Variants in IL1R1 observed in about 807,000 individuals in gnomAD.
IL1R1 encodes interleukin 1 receptor type 1.
Under a neutral mutation model 50.2 loss-of-function variants are expected in IL1R1, and 22 were observed. That is an observed-to-expected ratio of 0.44 (90% CI 0.31 to 0.63). IL1R1 has a LOEUF of 0.63. Among genes scored for constraint, IL1R1 ranks in the 20% least tolerant of loss-of-function variants. The pLI is 0.07. For missense variants in IL1R1, 509 were observed against 676.2 expected, an observed-to-expected ratio of 0.75 and a Z score of 2.74; for synonymous variants, 251 against 236.7, an observed-to-expected ratio of 1.06 and a Z score of -0.55.
chr2:102,137,988 G>A (rs1682436933), upstream of IL1R1, among the ~76,000 whole-genome samples: 1 of 152,188 alleles, frequency 6.6e-6, no homozygotes, highest in Non-Finnish European at 1.5e-5. Context: ...TGGTGGGACT[G>A]TGTGGAATTA....
chr2:102,113,662 A>G (rs529583704), intron 1 of IL1R1, among the ~76,000 whole-genome samples: 142 of 152,182 alleles, frequency 9.3e-4, no homozygotes, highest in Non-Finnish European at 1.6e-3. Flanking sequence ...GCCCCGCTCT[A>G]GGCTGATTAG....
intron 1 of IL1R1, among the ~76,000 whole-genome samples, chr2:102,148,478 C>T (rs946221005): frequency 2.6e-5 from 4 of 152,230 alleles, no homozygotes; most frequent in Non-Finnish European, 5.9e-5. Context: ...AAGGCTCAAC[C>T]TAGCACTCCA....
In IL1R1 at chr2:102,175,469, T is replaced by C. The variant is rs1169610472; in HGVS notation, c.1136-9T>C. On this transcript the variant is annotated splice_polypyrimidine_tract_variant and intron_variant, in intron 10 of 11. Transcript: ENST00000410023. ...TTGTGGTTCTAAATACATTATGTTT[T>C]TCCTTTAGCTTCAGATGGAAAGACC... is the stretch of plus-strand genomic sequence containing the variant. 1 of 1,610,418 alleles carries C rather than the reference T, an allele frequency of 6.2e-7. No individual in the cohort carries two copies. The highest frequency in any genetic ancestry group is 1.7e-5 in the Admixed American group (1 of 59,970).
At chr2:102,168,810 T>C in intron 7 of IL1R1, 147 bp downstream of exon 7, 1 of 606,932 alleles carries the variant, frequency 1.6e-6, no homozygotes, top group Non-Finnish European at 2.9e-6. Context: ...AAATTATATC[T>C]TAATTTTTTG....
chr2:102,101,178 C>T (rs1004099434), upstream of IL1R1, among the ~76,000 whole-genome samples: 4 of 152,204 alleles, frequency 2.6e-5, no homozygotes, highest in East Asian at 7.7e-4. Flanking sequence ...GCATTTCCAT[C>T]GTGCTCCTTG....
chr2:102,124,362 G>A lies in IL1R1; in HGVS notation c.-84+19490G>A, dbSNP rs193011808. ...TTGAACCCAGGAGGTGGAGGATGCA[G>A]TGAGCTGAGATTGCGCCACTGCACT... On this transcript the variant is annotated intron_variant, in intron 1 of 10. Transcript: ENST00000409329. Among the ~76,000 whole-genome samples, 144 of 152,128 alleles carry A rather than the reference G, an allele frequency of 9.5e-4. 1 individual carries two copies. The East Asian group carries it at 0.024, about 26-fold the overall frequency.
At chr2:102,161,875 G>A (rs1022542801) in intron 3 of IL1R1, among the ~76,000 whole-genome samples, 1 of 151,560 alleles carries the variant, frequency 6.6e-6, no homozygotes, top group African/African-American at 2.4e-5. Flanking sequence ...GATTTTTTTT[G>A]TATTTTAGTA....
chr2:102,100,086 T>A (rs1214901141), upstream of IL1R1, among the ~76,000 whole-genome samples: 1 of 152,230 alleles, frequency 6.6e-6, no homozygotes, highest in African/African-American at 2.4e-5. Flanking sequence ...CTTTCCTGCA[T>A]TCAAGGCCTC....
At chr2:102,147,638 G>A (rs556775741) in intron 1 of IL1R1, among the ~76,000 whole-genome samples, 1 of 151,970 alleles carries the variant, frequency 6.6e-6, no homozygotes, top group Non-Finnish European at 1.5e-5. Context: ...AGATGGAAAA[G>A]TCAGACTTCA....
In IL1R1 at chr2:102,104,990, G is replaced by C. The variant is rs1016001962; in HGVS notation, c.-84+118G>C. Reference sequence around the variant, plus strand: ...AAAGACAAATGGAATCTGATAAAAGGTAACGTTATATTGTTTGTCGAAACA... The same window carrying C: ...AAAGACAAATGGAATCTGATAAAAGCTAACGTTATATTGTTTGTCGAAACA... On this transcript the variant is annotated intron_variant, in intron 1 of 10. Coordinates refer to the IL1R1 transcript ENST00000409329. 4.6e-5 allele frequency: 7 copies of C among 152,224 alleles called. No individual in the cohort carries two copies. In the East Asian group the frequency reaches 1.4e-3, roughly 29 times the overall value. The allele number at this position is 152,224 out of a possible 1,614,324, so 9.4% of individuals were successfully genotyped here. A position where few individuals can be genotyped will look rare whatever the true frequency, so the allele number is the denominator to read the frequency against.
Position 102,089,983 on chromosome 2 carries a change from G to A in IL1R1, c.-84+19450G>A, listed in dbSNP as rs372889212. Among the ~76,000 whole-genome samples, 88 of 151,340 alleles carry A rather than the reference G, an allele frequency of 5.8e-4. No homozygotes were observed. The East Asian group carries it at 0.014, about 24-fold the overall frequency. ...TGAGTAGCTGGGACTACAGGTGCCC[G>A]CCACCACACCCGGCTAATTTTTTTG... is the stretch of plus-strand genomic sequence containing the variant. On this transcript the variant is annotated intron_variant, in intron 1 of 11. Coordinates refer to the IL1R1 transcript ENST00000409929.
intron 1 of IL1R1, among the ~76,000 whole-genome samples, chr2:102,146,203 C>A (rs77868294): frequency 0.011 from 1,608 of 152,214 alleles, 28 homozygotes; most frequent in African/African-American, 0.036. Context: ...CCTGAAAATA[C>A]AGCCAATGAC....
In IL1R1 at chr2:102,157,760, T is replaced by C; in HGVS notation, c.36T>C (p.Ala12=). 1 of 1,603,874 alleles carries C rather than the reference T, an allele frequency of 6.2e-7. No homozygotes were observed. The highest frequency in any genetic ancestry group is 8.5e-7 in the Non-Finnish European group (1 of 1,171,042). Residue 12 remains alanine (A), a synonymous_variant, in exon 3 of 12, where the codon GCT becomes GCC. Transcript: ENST00000410023. ...KVLLRLICFI[A]LLISSLEADK... is the part of the protein sequence containing the mutation. ...TACTCAGACTTATTTGTTTCATAGC[T>C]CTACTGATTTCTTCTCTGGAGGCTG...
intron 1 of IL1R1, among the ~76,000 whole-genome samples, chr2:102,108,442 C>A (rs1680549255): frequency 1.3e-5 from 2 of 152,140 alleles, no homozygotes; most frequent in African/African-American, 4.8e-5. Context: ...TTGCTCAGCT[C>A]CCCAGTGGAC....
chr2:102,170,825 C>A (rs1484253433), intron 7 of IL1R1, among the ~76,000 whole-genome samples: 1 of 152,202 alleles, frequency 6.6e-6, no homozygotes, highest in Non-Finnish European at 1.5e-5. Context: ...CTTTGGTAGG[C>A]CAAGGTGGAC....
intron 1 of IL1R1, among the ~76,000 whole-genome samples, chr2:102,095,872 A>G (rs573656425): frequency 1.3e-5 from 2 of 151,636 alleles, no homozygotes; most frequent in East Asian, 1.9e-4. Flanking sequence ...GTGTGGTGGT[A>G]CGTGCCTGTA....
chr2:102,090,833 C>G (rs1157783958), intron 1 of IL1R1, among the ~76,000 whole-genome samples: 1 of 151,820 alleles, frequency 6.6e-6, no homozygotes, highest in East Asian at 1.9e-4. Context: ...TAATTATTAG[C>G]CATATTTTCT....
intron 1 of IL1R1, among the ~76,000 whole-genome samples, chr2:102,127,381 G>A (rs1577908743): frequency 6.6e-6 from 1 of 152,244 alleles, no homozygotes; most frequent in Admixed American, 6.5e-5. Flanking sequence ...CTGAAATCAA[G>A]TGCAAGAACC....
intron 1 of IL1R1, among the ~76,000 whole-genome samples, chr2:102,150,790 G>A (rs928658141): frequency 1.3e-5 from 2 of 152,162 alleles, no homozygotes; most frequent in East Asian, 1.9e-4. Context: ...AGCACTGCCC[G>A]CTGTCTTTCC....
Sources: allele counts gnomAD v4.1 joint callset (sites outside exome capture counted in the v4.1 genomes callset), GRCh38; gene constraint gnomAD v4.1.1; transcripts MANE v1.5; gene names NCBI Gene and HGNC (gene_info 2026-07-23, HGNC 2026-07-21).